SMG6: variants seen among roughly 807,000 people sequenced by gnomAD.
SMG6 encodes the protein telomerase-binding protein EST1A.
In SMG6, 66 loss-of-function variants were observed where a neutral mutation model predicts 142.2. The observed-to-expected ratio is 0.46, with a 90% CI of 0.38 to 0.57. SMG6 has a LOEUF of 0.57. Ranked by LOEUF, SMG6 falls within the 20% of genes least tolerant of loss-of-function variation. The pLI, the probability that SMG6 is intolerant of heterozygous loss-of-function variation, is 0.00. For synonymous variants in SMG6, 779 were observed against 702.4 expected, an observed-to-expected ratio of 1.11 and a Z score of -1.72; for missense variants, 1,793 against 1,832.0, an observed-to-expected ratio of 0.98 and a Z score of 0.39.
At chr17:2,256,553 G>T (rs1427651127) in intron 8 of SMG6, among the ~76,000 whole-genome samples, 2 of 152,178 alleles carry the variant, frequency 1.3e-5, no homozygotes, top group Non-Finnish European at 2.9e-5. Context: ...CTTGAGCTCA[G>T]GAGTTTGAGA....
At chr17:2,290,067 T>TA (rs2074998382) in intron 6 of SMG6, among the ~76,000 whole-genome samples, 1 of 151,290 alleles carries the variant, frequency 6.6e-6, no homozygotes, top group African/African-American at 2.4e-5. Context: ...GAGAATCCAA[T>TA]AAAAAACCAC....
At position 2,283,664 on chromosome 17, in the gene SMG6, C is replaced by T; in HGVS notation, c.2409G>A (p.Lys803=). The change falls in exon 7 of 19, where the codon AAG becomes AAA. Residue 803 remains lysine (K), a synonymous_variant. Transcript: ENST00000263073. ...CTTCAAACAAGCTCATGAGACTCTC[C>T]TTGGCAGTCAGGATAGGGTTGCTGG... is the stretch of plus-strand genomic sequence containing the variant. ...LAASNPILTA[K]ESLMSLFEET... 1.2e-6 allele frequency: 2 copies of T among 1,614,172 alleles called. No homozygotes were observed. The highest frequency in any genetic ancestry group is 1.7e-6 in the Non-Finnish European group (2 of 1,180,032).
chr17:2,138,227 T>A (rs896949942), intron 13 of SMG6, among the ~76,000 whole-genome samples: 3 of 151,832 alleles, frequency 2.0e-5, no homozygotes. Flanking sequence ...CTGGGATTAG[T>A]GAAAATGACA....
intron 13 of SMG6, among the ~76,000 whole-genome samples, chr17:2,149,470 A>C (rs529397425): frequency 3.4e-4 from 51 of 152,084 alleles, no homozygotes; most frequent in Non-Finnish European, 6.0e-4. Flanking sequence ...CTCTCTTCCT[A>C]ACTCCTCACC....
chr17:2,166,764 C>T (rs968360885), intron 13 of SMG6, among the ~76,000 whole-genome samples: 1 of 152,158 alleles, frequency 6.6e-6, no homozygotes. Context: ...TGACCTTCAA[C>T]TGAATTCTTC....
chr17:2,231,066 T>A (rs1158945174), intron 10 of SMG6, among the ~76,000 whole-genome samples: 1 of 152,170 alleles, frequency 6.6e-6, no homozygotes, highest in Non-Finnish European at 1.5e-5. Flanking sequence ...GGATTTCCTG[T>A]ACAACTGTTC....
At chr17:2,153,978 T>C (rs552053786) in intron 13 of SMG6, among the ~76,000 whole-genome samples, 80 of 100,590 alleles carry the variant, frequency 8.0e-4, no homozygotes, top group Non-Finnish European at 1.1e-3. Flanking sequence ...TGGGGATGCA[T>C]GTAGAGTGTG....
chr17:2,282,775 G>C lies in SMG6; in HGVS notation c.2533C>G (p.His845Asp), dbSNP rs887042934. The C allele has an allele frequency of 1.2e-6, 2 of 1,614,062 alleles. No homozygotes were observed. Among genetic ancestry groups the C allele is most frequent in the African/African-American group, 2.7e-5 (2 of 74,912 alleles). Residue 845 changes from histidine (H) to aspartate (D), a missense_variant, in exon 8 of 19, where the codon CAT becomes GAT. This residue lies in a region of SMG6 where 1,597 missense variants were observed against 1,584.6 expected (regional missense o/e 1.01). Transcript: ENST00000263073. Reference sequence around the variant, plus strand: ...AGGCGAGTGGTGTCATCTCCAACATGCCGGAAAGTAGACTTCTTTCCTTTC... The same window carrying C: ...AGGCGAGTGGTGTCATCTCCAACATCCCGGAAAGTAGACTTCTTTCCTTTC... ...WRKGKKSTFR[H>D]VGDDTTRLEI...
At chr17:2,186,587 A>G (rs1397577471) in intron 12 of SMG6, 76 bp downstream of exon 12, 3 of 1,524,610 alleles carry the variant, frequency 2.0e-6, no homozygotes, top group Non-Finnish European at 2.7e-6. Context: ...GAAACAGAGC[A>G]GGATGAAGAG....
At chr17:2,159,264 T>C (rs1158226983) in intron 13 of SMG6, among the ~76,000 whole-genome samples, 1 of 151,932 alleles carries the variant, frequency 6.6e-6, no homozygotes. Context: ...CTGCTAAAAA[T>C]ATGTAAAAAA....
chr17:2,142,888 CAAAA>C (rs1164289108), intron 13 of SMG6, among the ~76,000 whole-genome samples: 1 of 52,508 alleles, frequency 1.9e-5, no homozygotes, highest in Non-Finnish European at 3.5e-5. Context: ...AACACTGTCT[CAAAA>C]AAAAAAAAAA....
chr17:2,285,150 ACAT>A (rs2074876226), intron 6 of SMG6, among the ~76,000 whole-genome samples: 1 of 152,130 alleles, frequency 6.6e-6, no homozygotes, highest in Non-Finnish European at 1.5e-5. Flanking sequence ...TTTTCTCAAC[ACAT>A]TTTTTTTTTC....
chr17:2,150,529 G>T (rs1044084609), intron 13 of SMG6, among the ~76,000 whole-genome samples: 1 of 150,866 alleles, frequency 6.6e-6, no homozygotes. Flanking sequence ...CGATGCTATG[G>T]AAGTGATCCC....
At chr17:2,088,393 T>C (rs1246959358) in intron 13 of SMG6, 13 of 985,250 alleles carry the variant, frequency 1.3e-5, no homozygotes, top group Non-Finnish European at 1.6e-5. Context: ...AATTGCCTAT[T>C]CCATGGACAC....
At position 2,298,986 on chromosome 17, in the gene SMG6, G is replaced by A; in HGVS notation, c.1767C>T (p.Asp589=). Residue 589 remains aspartate, a synonymous_variant, in exon 2 of 19, where the codon GAC becomes GAT. Coordinates refer to ENST00000263073, the MANE Select transcript of SMG6 (RefSeq NM_017575.5). ...QELHRLLRVA[D]NQELQLSNLL... is the part of the protein sequence containing the mutation. ...GGTTGCTGAGCTGCAGTTCCTGGTTGTCAGCCACCCGGAGAAGCCTGTGCA... is the reference window on the plus strand; with the variant it reads ...GGTTGCTGAGCTGCAGTTCCTGGTTATCAGCCACCCGGAGAAGCCTGTGCA... The A allele has an allele frequency of 6.2e-7, 1 of 1,614,174 alleles. No individual in the cohort carries two copies. Among genetic ancestry groups the A allele is most frequent in the Non-Finnish European group, 8.5e-7 (1 of 1,180,050 alleles).
At chr17:2,222,470 G>C (rs1164965973) in intron 10 of SMG6, among the ~76,000 whole-genome samples, 1 of 147,982 alleles carries the variant, frequency 6.8e-6, no homozygotes, top group Non-Finnish European at 1.5e-5. Flanking sequence ...CTTGCAAGAA[G>C]GGTAGTGTGG....
chr17:2,244,336 A>G (rs893279153), intron 9 of SMG6, among the ~76,000 whole-genome samples: 1 of 151,798 alleles, frequency 6.6e-6, no homozygotes, highest in Non-Finnish European at 1.5e-5. Context: ...AACTGCCCTG[A>G]GGCACTCACT....
In SMG6 at chr17:2,073,127, A is replaced by G. The variant is rs372624632; in HGVS notation, c.3682-4196T>C. 3.9e-4 allele frequency among the ~76,000 whole-genome samples: 59 copies of G among 152,102 alleles called. 2 individuals carry two copies. The South Asian group carries it at 0.011, about 28-fold the overall frequency. On this transcript the variant is annotated intron_variant, in intron 15 of 18. Coordinates refer to ENST00000263073, the MANE Select transcript of SMG6 (RefSeq NM_017575.5). ...GAGACGGAGTCTTGCTCTGATGCCT[A>G]TGCTGGAGTGTAGTGGCGTGATCTC...
At chr17:2,240,670 C>T (rs1047816758) in intron 9 of SMG6, among the ~76,000 whole-genome samples, 1 of 152,216 alleles carries the variant, frequency 6.6e-6, no homozygotes, top group African/African-American at 2.4e-5. Flanking sequence ...TCCTCTAAAG[C>T]TCTGAACCTC....
Sources: gnomAD v4.1 joint callset for allele counts (sites outside exome capture counted in the v4.1 genomes callset) on GRCh38, gnomAD v4.1.1 for gene constraint, gnomAD v4.1.1 regional missense constraint, MANE v1.5 for transcripts, NCBI Gene and HGNC (gene_info 2026-07-23, HGNC 2026-07-21) for gene names.